The following GPSM1 variants were observed in gnomAD, a reference collection of about 807,000 sequenced individuals.
GPSM1 encodes G protein-signaling modulator 1.
A neutral mutation model predicts 70.5 loss-of-function variants in GPSM1; 48 were observed. That is an observed-to-expected ratio of 0.68 (90% CI 0.54 to 0.87). GPSM1 has a LOEUF of 0.87. Ranked by LOEUF, GPSM1 falls within the 40% of genes least tolerant of loss-of-function variation. The pLI is 0.00. For synonymous variants in GPSM1, 416 were observed against 430.1 expected (o/e 0.97, Z 0.41); for missense variants, 981 against 972.6 (o/e 1.01, Z -0.11).
chr9:136,356,357 C>T lies in GPSM1; in HGVS notation c.1628C>T (p.Thr543Met), dbSNP rs782268182. ...LEDRIAQPSM[T>M]ASPQTEEFFD... The stretch of plus-strand genomic sequence containing the variant: ...CCCCCCGCAGCCCAGCCCTCGATGA[C>T]GGCCTCGCCCCAGACCGAGGAATTC... The change falls in exon 13 of 14, where the codon ACG becomes ATG. Residue 543 changes from threonine (T) to methionine (M), a missense_variant. Physicochemically the swap from Thr to Met is moderately conservative, Grantham distance 81. Coordinates refer to ENST00000440944, the MANE Select transcript of GPSM1 (RefSeq NM_001145638.3). 17 of 1,591,360 alleles carry T rather than the reference C, an allele frequency of 1.1e-5. No homozygotes were observed. The highest frequency in any genetic ancestry group is 5.4e-5 in the African/African-American group (4 of 74,290).
intron 1 of GPSM1, among the ~76,000 whole-genome samples, chr9:136,328,965 T>C (rs1442590298): frequency 3.3e-5 from 5 of 151,890 alleles, no homozygotes; most frequent in African/African-American, 1.2e-4. Context: ...TGGAGTGAGT[T>C]TGAGTGTGAG....
rs1374774953 is a variant in GPSM1 at position 136,327,705 on chromosome 9, C to CCGGCCCCGCCCG, written c.16_27dup (p.Pro6_Ala9dup). 1.9e-5 allele frequency: 22 copies of CCGGCCCCGCCCG among 1,153,600 alleles called. No homozygotes were observed. The highest frequency in any genetic ancestry group is 4.7e-5 in the Admixed American group (1 of 21,264). 71.5% of individuals were successfully genotyped at this position (1,153,600 alleles called of 1,614,324 possible). On this transcript the variant is annotated inframe_insertion, in exon 1 of 14. Coordinates refer to ENST00000440944, the MANE Select transcript of GPSM1 (RefSeq NM_001145638.3). ...CCCGCGTCCCCGACCCATGGCGGGC[C>CCGGCCCCGCCCG]CGGCCCCGCCCGCGGCCGACGAGCT... is the stretch of plus-strand genomic sequence containing the variant.
intron 11 of GPSM1, among the ~76,000 whole-genome samples, chr9:136,352,684 CT>C: frequency 6.6e-6 from 1 of 152,338 alleles, no homozygotes; most frequent in Middle Eastern, 3.4e-3. Context: ...CGCCCAGGTC[CT>C]CTGCGCCTGC....
At chr9:136,328,564 TA>T (rs782195430) in intron 1 of GPSM1, among the ~76,000 whole-genome samples, 7 of 152,116 alleles carry the variant, frequency 4.6e-5, no homozygotes, top group Non-Finnish European at 8.8e-5. Flanking sequence ...ACCTCCCTGA[TA>T]GGGGTCCCAG....
At chr9:136,344,992 T>A (rs1173015449) in intron 9 of GPSM1, among the ~76,000 whole-genome samples, 1 of 152,118 alleles carries the variant, frequency 6.6e-6, no homozygotes, top group East Asian at 1.9e-4. Context: ...GGGCAGGTGA[T>A]CCGGCTCCAG....
rs116656454 is a variant in GPSM1, at chr9:136,356,682, G to A, written c.1821+132G>A. The A allele has an allele frequency of 2.0e-3, 1,309 of 667,566 alleles. 12 individuals carry two copies. The African/African-American group carries it at 0.02, about 10-fold the overall frequency. The allele number at this position is 667,566 out of a possible 1,614,324, so 41.4% of individuals were successfully genotyped here. A position where few individuals can be genotyped will look rare whatever the true frequency, so the allele number is the denominator to read the frequency against. On this transcript the variant is annotated intron_variant, in intron 13 of 13. Coordinates refer to ENST00000440944, the MANE Select transcript of GPSM1 (RefSeq NM_001145638.3). ...CCGGTCATGTTTGAGGGACTCCTGG[G>A]GGACTCAGCCAGTGTCACCACATGA...
At chr9:136,354,228 C>T (rs907057502) in intron 11 of GPSM1, among the ~76,000 whole-genome samples, 11 of 152,208 alleles carry the variant, frequency 7.2e-5, no homozygotes, top group African/African-American at 1.7e-4. Context: ...AATCCCAGCT[C>T]TTTTTTGCTC....
chr9:136,335,019 C>T (rs1260931345), intron 2 of GPSM1, among the ~76,000 whole-genome samples: 3 of 152,168 alleles, frequency 2.0e-5, no homozygotes, highest in East Asian at 1.9e-4. Context: ...TCTGGGACCC[C>T]GGCAGGGAGC....
chr9:136,347,002 G>A (rs1832539416), intron 9 of GPSM1, among the ~76,000 whole-genome samples: 1 of 152,200 alleles, frequency 6.6e-6, no homozygotes, highest in Non-Finnish European at 1.5e-5. Context: ...TAACTTTGAC[G>A]AGTGCCCCAA....
intron 11 of GPSM1, 128 bp downstream of exon 11, chr9:136,349,891 G>T: frequency 1.2e-6 from 1 of 811,112 alleles, no homozygotes; most frequent in East Asian, 2.7e-5. Flanking sequence ...GTCCCTCCCC[G>T]GTGCACCTGG....
chr9:136,328,158 G>A (rs1207754185), intron 1 of GPSM1, among the ~76,000 whole-genome samples: 1 of 152,204 alleles, frequency 6.6e-6, no homozygotes, highest in Non-Finnish European at 1.5e-5. Context: ...CCCCTCACCA[G>A]CCCTCCACGA....
chr9:136,348,307 G>A (rs899667609), intron 9 of GPSM1, among the ~76,000 whole-genome samples: 4 of 152,180 alleles, frequency 2.6e-5, no homozygotes, highest in Non-Finnish European at 5.9e-5. Flanking sequence ...CCCTCAGGAG[G>A]GGGGATTGGG....
Position 136,341,346 on chromosome 9 carries a change from G to C in GPSM1, c.1207+353G>C. On this transcript the variant is annotated intron_variant, in intron 9 of 13. Transcript: ENST00000440944. This position sits in a 1 kb window ranked among gnomAD's most constrained non-coding sequence, Gnocchi z 6.7. ...CCCAAGTAGGAGAGGGCTGCTGGGA[G>C]GCGAGAGGGCATCAGCCAGAGGGCT... The C allele has an allele frequency of 1.4e-6, 2 of 1,434,472 alleles. No homozygotes were observed. The highest frequency in any genetic ancestry group is 1.8e-6 in the Non-Finnish European group (2 of 1,100,968). The allele number at this position is 1,434,472 out of a possible 1,614,324, so 88.9% of individuals were successfully genotyped here. A position where few individuals can be genotyped will look rare whatever the true frequency, so the allele number is the denominator to read the frequency against.
chr9:136,333,290 C>T (rs1206085829), intron 1 of GPSM1, among the ~76,000 whole-genome samples: 1 of 152,230 alleles, frequency 6.6e-6, no homozygotes, highest in Non-Finnish European at 1.5e-5. Flanking sequence ...TGTGTCCTCC[C>T]CCCGCGACCC....
intron 9 of GPSM1, among the ~76,000 whole-genome samples, chr9:136,347,771 G>A (rs1185075324): frequency 1.3e-5 from 2 of 152,202 alleles, no homozygotes; most frequent in Non-Finnish European, 2.9e-5. Context: ...TGCCAGGTCT[G>A]TCGTGCCCTG....
rs1554770130 is a variant in GPSM1 at position 136,340,916 on chromosome 9, A to G, written c.1130A>G (p.Gln377Arg). The G allele has an allele frequency of 6.4e-7, 1 of 1,573,750 alleles. No individual in the cohort carries two copies. The highest frequency in any genetic ancestry group is 8.6e-7 in the Non-Finnish European group (1 of 1,161,138). The part of the protein sequence containing the change: ...GELTARMNVA[Q>R]LQLVLGRLTS... ...CTCACGGCCCGCATGAACGTGGCGC[A>G]GCTGCAGCTGGTGCTCGGCCGCCTG... Residue 377 changes from glutamine (Q) to arginine (R), a missense_variant, in exon 9 of 14, where the codon CAG (glutamine) becomes CGG (arginine). Transcript: ENST00000440944. This position sits in a 1 kb window ranked among gnomAD's most constrained non-coding sequence, Gnocchi z 7.3.
Position 136,356,448 on chromosome 9 carries a change from G to A in GPSM1, c.1719G>A (p.Leu573=), listed in dbSNP as rs1554773186. The A allele has an allele frequency of 6.2e-7, 1 of 1,611,472 alleles. No homozygotes were observed. Among genetic ancestry groups the A allele is most frequent in the Non-Finnish European group, 8.5e-7 (1 of 1,179,076 alleles). ...LDDQRASVGS[L]PGLRITHSNA... is the part of the protein sequence containing the mutation. The stretch of plus-strand genomic sequence containing the variant: ...ACCAGCGGGCCAGCGTGGGCAGCCT[G>A]CCGGGGCTGCGAATCACCCACAGCA... The change falls in exon 13 of 14, where the codon CTG becomes CTA. Residue 573 remains leucine, a synonymous_variant. Coordinates refer to ENST00000440944, the MANE Select transcript of GPSM1 (RefSeq NM_001145638.3).
At position 136,330,562 on chromosome 9, in the gene GPSM1, C is replaced by T. The variant is rs972210604; in HGVS notation, c.68+2799C>T. On this transcript the variant is annotated intron_variant, in intron 1 of 13. Coordinates refer to ENST00000440944, the MANE Select transcript of GPSM1 (RefSeq NM_001145638.3). Reference sequence around the variant, plus strand: ...CCCGGTCCTGCGCCTCACTCTCTCCCCTCCCCTGGCCACTGAAGGGGAGTC... The same window carrying T: ...CCCGGTCCTGCGCCTCACTCTCTCCTCTCCCCTGGCCACTGAAGGGGAGTC... Among the ~76,000 whole-genome samples, 69 of 152,212 alleles carry T rather than the reference C, an allele frequency of 4.5e-4. 1 individual carries two copies. Among genetic ancestry groups the T allele is most frequent in the Admixed American group, 2.6e-4 (4 of 15,294 alleles).
chr9:136,348,573 AG>A, intron 9 of GPSM1, 123 bp from the exon 10 acceptor site: 2 of 649,942 alleles, frequency 3.1e-6, no homozygotes, highest in African/African-American at 1.8e-5. Context: ...CGCCTCCACA[AG>A]GGGGGCTGGC....
Sources: gnomAD v4.1 joint callset for allele counts (sites outside exome capture counted in the v4.1 genomes callset) on GRCh38, gnomAD v4.1.1 for gene constraint, Gnocchi (gnomAD v3.1) non-coding constraint, MANE v1.5 for transcripts, NCBI Gene and HGNC (gene_info 2026-07-23, HGNC 2026-07-21) for gene names.